The following MTMR14 variants were observed in gnomAD, a reference collection of about 807,000 sequenced individuals.
The protein encoded by MTMR14 is phosphatidylinositol-3,5-bisphosphate 3-phosphatase MTMR14.
In MTMR14, 48 loss-of-function variants were observed where a neutral mutation model predicts 86.3. The ratio of observed to expected loss-of-function variants is 0.56; its 90% CI spans 0.44 to 0.71. The LOEUF (loss-of-function observed/expected upper bound fraction) is 0.71. MTMR14 is among the 30% of genes least tolerant of loss of function. The pLI is 0.00. For synonymous variants in MTMR14, 366 were observed against 326.1 expected (o/e 1.12, Z -1.32); for missense variants, 780 against 834.6 (o/e 0.93, Z 0.81).
intron 11 of MTMR14, 73 bp from the exon 12 acceptor site, chr3:9,684,815 A>T (rs993490698): frequency 1.1e-5 from 17 of 1,573,358 alleles, no homozygotes; most frequent in Non-Finnish European, 1.5e-5. Flanking sequence ...CTGCGTTGTC[A>T]CTGGGTCTGG....
chr3:9,695,184 G>A (rs1194457116), intron 17 of MTMR14, among the ~76,000 whole-genome samples: 18 of 152,136 alleles, frequency 1.2e-4, no homozygotes. Flanking sequence ...CAGTATGTGG[G>A]CACAGGTCCT....
intron 11 of MTMR14, 54 bp from the exon 12 acceptor site, chr3:9,684,834 C>T (rs1437858590): frequency 1.9e-6 from 3 of 1,596,338 alleles, no homozygotes; most frequent in Non-Finnish European, 2.6e-6. Context: ...GGTTATGGTT[C>T]AGCTCCTGGG....
intron 4 of MTMR14, 97 bp from the exon 5 acceptor site, chr3:9,669,335 C>T: frequency 1.6e-6 from 2 of 1,241,446 alleles, no homozygotes; most frequent in Non-Finnish European, 2.3e-6. Flanking sequence ...AGTCCCAGCC[C>T]ACCCTTGGCA....
intron 2 of MTMR14, among the ~76,000 whole-genome samples, chr3:9,662,029 G>A (rs550511646): frequency 6.6e-6 from 1 of 151,792 alleles, no homozygotes; most frequent in South Asian, 2.1e-4. Context: ...CAGAGGCTGT[G>A]GTGAGCCAAG....
intron 2 of MTMR14, among the ~76,000 whole-genome samples, chr3:9,657,528 A>C (rs1172344295): frequency 6.6e-6 from 1 of 151,936 alleles, no homozygotes; most frequent in African/African-American, 2.4e-5. Context: ...TATTCAGTGA[A>C]GAAGACAGTA....
intron 13 of MTMR14, 151 bp downstream of exon 13, chr3:9,685,398 C>T (rs952763918): frequency 3.2e-6 from 3 of 941,208 alleles, no homozygotes; most frequent in Admixed American, 1.9e-5. Flanking sequence ...GGCAGCGTGG[C>T]AGGACAGGCA....
chr3:9,686,310 C>T (rs1015886147), intron 13 of MTMR14, among the ~76,000 whole-genome samples: 8 of 152,200 alleles, frequency 5.3e-5, no homozygotes, highest in East Asian at 1.9e-4. Context: ...GGGACTTTCC[C>T]GGAGCTCTGG....
chr3:9,673,865 G>C (rs911387574), intron 7 of MTMR14, among the ~76,000 whole-genome samples: 3 of 152,056 alleles, frequency 2.0e-5, no homozygotes, highest in African/African-American at 7.3e-5. Context: ...TGAGTAGTTG[G>C]GAAAGCTTCA....
At position 9,678,046 on chromosome 3, in the gene MTMR14, G is replaced by C; in HGVS notation, c.885G>C (p.Trp295Cys). 6.2e-7 allele frequency: 1 copy of C among 1,613,990 alleles called. No homozygotes were observed. The highest frequency in any genetic ancestry group is 8.5e-7 in the Non-Finnish European group (1 of 1,179,996). ...TGACTCACTCTCTGAACATTGACTG[G>C]AGCCAGTATCAGGTGAGGGGCCTGA... is the stretch of plus-strand genomic sequence containing the variant. ...DFLTHSLNID[W>C]SQYQCWDLVQ... The change falls in exon 9 of 19, where the codon TGG (tryptophan) becomes TGC (cysteine). Residue 295 changes from tryptophan to cysteine, a missense_variant. Coordinates refer to ENST00000296003, the MANE Select transcript of MTMR14 (RefSeq NM_001077525.3).
rs902304355 is a variant in MTMR14 at position 9,702,259 on chromosome 3, G to T, written c.*286G>T. The T allele has an allele frequency of 2.2e-5, 11 of 502,452 alleles. No individual in the cohort carries two copies. Among genetic ancestry groups the T allele is most frequent in the Non-Finnish European group, 3.6e-5 (10 of 275,648 alleles). The allele number at this position is 502,452 out of a possible 1,614,324, so 31.1% of individuals were successfully genotyped here. On this transcript the variant is annotated 3_prime_UTR_variant, in exon 19 of 19. Transcript: ENST00000296003. ...CAGAACTGTGTGGGGTTTCCCTGGG[G>T]CCTTGTGGAAGCCATGACTTCACAA...
intron 14 of MTMR14, 48 bp from the exon 15 acceptor site, chr3:9,688,648 A>G (rs1160745500): frequency 6.2e-7 from 1 of 1,605,284 alleles, no homozygotes; most frequent in Non-Finnish European, 8.5e-7. Flanking sequence ...GGGACACAAT[A>G]AGACCCCAGA....
intron 17 of MTMR14, among the ~76,000 whole-genome samples, chr3:9,696,753 C>G (rs976424500): frequency 6.6e-6 from 1 of 152,222 alleles, no homozygotes; most frequent in South Asian, 2.1e-4. Flanking sequence ...TCTCCACCCC[C>G]AATCCCTGCT....
intron 9 of MTMR14, 95 bp downstream of exon 9, chr3:9,678,153 C>G (rs915836623): frequency 1.7e-5 from 22 of 1,292,172 alleles, no homozygotes; most frequent in Non-Finnish European, 2.4e-5. Context: ...GTGTGTTTGC[C>G]TGATGGGCTG....
intron 2 of MTMR14, among the ~76,000 whole-genome samples, chr3:9,655,461 C>CTT (rs779901219): frequency 6.7e-5 from 4 of 59,320 alleles, no homozygotes; most frequent in South Asian, 7.8e-4. Context: ...CCCTTGATGT[C>CTT]TTTTTTTTTT....
At chr3:9,650,504 A>G (rs2047217486) in intron 1 of MTMR14, 2 of 386,566 alleles carry the variant, frequency 5.2e-6, no homozygotes, top group Non-Finnish European at 1.1e-5. Context: ...GCACCACAGA[A>G]CTCTGATTTG....
chr3:9,686,552 A>G (rs1305351672), intron 13 of MTMR14, among the ~76,000 whole-genome samples: 1 of 152,222 alleles, frequency 6.6e-6, no homozygotes. Flanking sequence ...TTAGTTAAAC[A>G]CGATTGTGTC....
intron 17 of MTMR14, among the ~76,000 whole-genome samples, chr3:9,693,225 T>A (rs1471628235): frequency 6.6e-6 from 1 of 152,190 alleles, no homozygotes; most frequent in Non-Finnish European, 1.5e-5. Flanking sequence ...ACATTCAAGA[T>A]AACATAAACA....
At chr3:9,685,324 C>A in intron 13 of MTMR14, 77 bp downstream of exon 13, 1 of 1,556,170 alleles carries the variant, frequency 6.4e-7, no homozygotes, top group East Asian at 2.2e-5. Context: ...CTGAGTTCCA[C>A]GTGTTAGGGG....
chr3:9,687,874 T>G lies in MTMR14; in HGVS notation c.1218T>G (p.Ser406=). 2 of 1,588,980 alleles carry G rather than the reference T, an allele frequency of 1.3e-6. No homozygotes were observed. Among genetic ancestry groups the G allele is most frequent in the Non-Finnish European group, 1.7e-6 (2 of 1,165,328 alleles). ...FLKHITSEEF[S]ALKTQRRKSL... ...AGCATATTACCTCCGAGGAGTTCTC[T>G]GCTCTGAAGACCCAGAGGTAAGTGG... The change falls in exon 14 of 19, where the codon TCT becomes TCG. Residue 406 remains serine, a synonymous_variant. Transcript: ENST00000296003.
Sources: allele counts gnomAD v4.1 joint callset (sites outside exome capture counted in the v4.1 genomes callset), GRCh38; gene constraint gnomAD v4.1.1; transcripts MANE v1.5; gene names NCBI Gene and HGNC (gene_info 2026-07-23, HGNC 2026-07-21).